Variants in LRBA observed in about 807,000 individuals in gnomAD.
LRBA encodes LPS responsive beige-like anchor protein.
LRBA carries 176 observed loss-of-function variants against 330.0 expected under a neutral mutation model. The observed-to-expected ratio is 0.53, with a 90% CI of 0.47 to 0.60. The LOEUF (loss-of-function observed/expected upper bound fraction) is 0.60, where lower values mean the gene tolerates loss of function less well. LRBA is among the 20% of genes least tolerant of loss of function. The pLI, the probability that LRBA is intolerant of heterozygous loss-of-function variation, is 0.00. For synonymous variants in LRBA, 1,230 were observed against 1,193.0 expected (o/e 1.03, Z -0.64); for missense variants, 3,259 against 3,444.8 (o/e 0.95, Z 1.35).
In LRBA at chr4:150,562,739, T is replaced by C. The variant is rs574778350; in HGVS notation, c.6330+25309A>G. ...GTAGAAACATTACACTGAGAGTTAT[T>C]AGACGACAAAATTATGTCTTACTCA... On this transcript the variant is annotated intron_variant, in intron 40 of 56. Transcript: ENST00000651943. Among the ~76,000 whole-genome samples, 6 of 152,318 alleles carry C rather than the reference T, an allele frequency of 3.9e-5. No homozygotes were observed. In the East Asian group the frequency reaches 1.2e-3, roughly 29 times the overall value.
intron 36 of LRBA, among the ~76,000 whole-genome samples, chr4:150,718,538 T>C (rs983790278): frequency 2.0e-5 from 3 of 152,018 alleles, no homozygotes; most frequent in African/African-American, 7.2e-5. Flanking sequence ...CTTCAACCAA[T>C]TGAAGTTTGT....
At chr4:150,642,956 T>A (rs1230207934) in intron 37 of LRBA, among the ~76,000 whole-genome samples, 1 of 151,936 alleles carries the variant, frequency 6.6e-6, no homozygotes, top group Non-Finnish European at 1.5e-5. Context: ...AGCTTTAACA[T>A]GACACTTAAA....
intron 2 of LRBA, among the ~76,000 whole-genome samples, chr4:150,980,682 A>C (rs1740732272): frequency 6.6e-6 from 1 of 152,184 alleles, no homozygotes; most frequent in Non-Finnish European, 1.5e-5. Flanking sequence ...CAAATTGGAA[A>C]GGAAGAAGTT....
intron 31 of LRBA, among the ~76,000 whole-genome samples, chr4:150,814,000 T>C (rs572024370): frequency 6.6e-6 from 1 of 152,098 alleles, no homozygotes; most frequent in East Asian, 1.9e-4. Flanking sequence ...AAGTCACAAA[T>C]GCATTTAACA....
chr4:150,266,986 G>A (rs1415257664), intron 56 of LRBA, among the ~76,000 whole-genome samples: 1 of 152,004 alleles, frequency 6.6e-6, no homozygotes, highest in Admixed American at 6.5e-5. Flanking sequence ...CTGAGAAAAG[G>A]GTAAATTCAC....
intron 33 of LRBA, among the ~76,000 whole-genome samples, chr4:150,805,556 G>A (rs936952128): frequency 1.5e-5 from 1 of 65,178 alleles, no homozygotes; most frequent in African/African-American, 8.2e-5. Context: ...GAAAGGAAAG[G>A]AAAGGAAAGG....
intron 53 of LRBA, among the ~76,000 whole-genome samples, chr4:150,293,071 G>A (rs1446160189): frequency 1.3e-5 from 2 of 151,806 alleles, no homozygotes; most frequent in East Asian, 1.9e-4. Flanking sequence ...AATACATAAT[G>A]AACTTATTAG....
chr4:150,684,655 G>A (rs1000668018), intron 36 of LRBA, among the ~76,000 whole-genome samples: 2 of 152,094 alleles, frequency 1.3e-5, no homozygotes, highest in African/African-American at 4.8e-5. Flanking sequence ...TTATGATACT[G>A]TAGTTAAGGC....
intron 5 of LRBA, 94 bp from the exon 6 acceptor site, chr4:150,916,832 A>G: frequency 1.1e-6 from 1 of 941,300 alleles, no homozygotes; most frequent in South Asian, 2.1e-5. Context: ...ATATATTTGT[A>G]CTACATCACA....
At chr4:150,697,346 A>AAAAAG in intron 36 of LRBA, among the ~76,000 whole-genome samples, 1 of 148,554 alleles carries the variant, frequency 6.7e-6, no homozygotes, top group African/African-American at 2.5e-5. Context: ...AAAAAAAAAA[A>AAAAAG]AAAAACAGGG....
At chr4:150,362,425 C>T (rs1049218339) in intron 47 of LRBA, among the ~76,000 whole-genome samples, 7 of 152,152 alleles carry the variant, frequency 4.6e-5, no homozygotes, top group African/African-American at 1.7e-4. Context: ...TCAATCCCTC[C>T]TCCATATGAA....
chr4:150,661,661 A>ATT (rs1395394810), intron 37 of LRBA, among the ~76,000 whole-genome samples: 1 of 151,970 alleles, frequency 6.6e-6, no homozygotes, highest in African/African-American at 2.4e-5. Context: ...CCCAGGCTGG[A>ATT]GTGCAGTGGC....
intron 2 of LRBA, among the ~76,000 whole-genome samples, chr4:150,942,009 AG>A (rs1332613733): frequency 6.6e-6 from 1 of 152,234 alleles, no homozygotes; most frequent in Non-Finnish European, 1.5e-5. Flanking sequence ...AAAGAAAAAG[AG>A]TAAGTTTAAT....
intron 44 of LRBA, among the ~76,000 whole-genome samples, chr4:150,456,974 C>T (rs943501913): frequency 6.6e-6 from 1 of 151,964 alleles, no homozygotes; most frequent in Admixed American, 6.6e-5. Flanking sequence ...AAAATGAGTC[C>T]ACTGTAGGTA....
chr4:151,011,003 C>T (rs1046058333), intron 2 of LRBA, among the ~76,000 whole-genome samples: 4 of 151,616 alleles, frequency 2.6e-5, no homozygotes, highest in East Asian at 1.9e-4. Context: ...CTGGCTGACA[C>T]GGTGAAACCC....
intron 36 of LRBA, among the ~76,000 whole-genome samples, chr4:150,720,585 A>G (rs900419917): frequency 5.3e-5 from 8 of 152,144 alleles, no homozygotes; most frequent in Non-Finnish European, 8.8e-5. Flanking sequence ...CTAAGGAATA[A>G]CTAATAGATG....
chr4:150,501,027 T>C (rs191988884), intron 40 of LRBA, among the ~76,000 whole-genome samples: 29 of 152,334 alleles, frequency 1.9e-4, no homozygotes, highest in African/African-American at 6.5e-4. Flanking sequence ...TGGAACTAAA[T>C]GCTATGCTCA....
At chr4:150,610,282 G>A (rs1775104235) in intron 37 of LRBA, among the ~76,000 whole-genome samples, 1 of 152,076 alleles carries the variant, frequency 6.6e-6, no homozygotes, top group Non-Finnish European at 1.5e-5. Context: ...TAGTAACCTG[G>A]GAGAAAGAGT....
At position 150,590,854 on chromosome 4, in the gene LRBA, C is replaced by T. The variant is rs373890489; in HGVS notation, c.6052G>A (p.Asp2018Asn). 3 of 1,613,676 alleles carry T rather than the reference C, an allele frequency of 1.9e-6. No individual in the cohort carries two copies. In the Admixed American group the frequency reaches 5.0e-5, roughly 27 times the overall value. ...TTTCCTTTAGCAAGGATATCTTCAT[C>T]TGTGGCTGAAATGAAAAGGAAACAA... is the stretch of plus-strand genomic sequence containing the variant. ...TLKTAVEHAT[D>N]EDILAKGKQS... is the part of the protein sequence containing the mutation. The change falls in exon 39 of 57, where the codon GAT (aspartate) becomes AAT (asparagine). Residue 2018 changes from aspartate (D) to asparagine (N), a missense_variant. Asp to Asn is a conservative substitution (Grantham distance 23). Coordinates refer to ENST00000651943, the MANE Select transcript of LRBA (RefSeq NM_001364905.1).
Sources: allele counts gnomAD v4.1 joint callset (sites outside exome capture counted in the v4.1 genomes callset), GRCh38; gene constraint gnomAD v4.1.1; transcripts MANE v1.5; gene names NCBI Gene and HGNC (gene_info 2026-07-23, HGNC 2026-07-21).